Variants in HNF4G observed in about 807,000 individuals in gnomAD.
HNF4G encodes hepatocyte nuclear factor 4-gamma.
HNF4G carries 21 observed loss-of-function variants against 50.9 expected under a neutral mutation model. The ratio of observed to expected loss-of-function variants is 0.41; its 90% CI spans 0.29 to 0.59. HNF4G has a LOEUF of 0.59. Among genes scored for constraint, HNF4G ranks in the 20% least tolerant of loss-of-function variants. The pLI, the probability that HNF4G is intolerant of heterozygous loss-of-function variation, is 0.26. For synonymous variants in HNF4G, 198 were observed against 185.6 expected, an observed-to-expected ratio of 1.07 and a Z score of -0.54; for missense variants, 527 against 559.4, an observed-to-expected ratio of 0.94 and a Z score of 0.58.
chr8:75,440,287 T>C (rs1209142815), intron 1 of HNF4G, among the ~76,000 whole-genome samples: 1 of 152,204 alleles, frequency 6.6e-6, no homozygotes, highest in African/African-American at 2.4e-5. Context: ...TTTTTCTTCA[T>C]TTTCTGTAGT....
intron 2 of HNF4G, among the ~76,000 whole-genome samples, chr8:75,525,466 C>A (rs1005505395): frequency 3.9e-5 from 6 of 152,192 alleles, no homozygotes; most frequent in African/African-American, 1.4e-4. Context: ...CCGCAACCGG[C>A]CTCCATTGGT....
intron 2 of HNF4G, among the ~76,000 whole-genome samples, chr8:75,497,762 GA>G (rs1812814610): frequency 1.3e-5 from 2 of 151,720 alleles, no homozygotes; most frequent in South Asian, 2.1e-4. Context: ...AAGATTCCTA[GA>G]ATTTTTTTTA....
chr8:75,461,923 TA>T (rs879822998), intron 1 of HNF4G, among the ~76,000 whole-genome samples: 9,520 of 146,492 alleles, frequency 0.065, 319 homozygotes, highest in African/African-American at 0.079. Flanking sequence ...TATATATATA[TA>T]TATATTTTTT....
chr8:75,525,447 C>A (rs1049230537), intron 2 of HNF4G, among the ~76,000 whole-genome samples: 1 of 152,140 alleles, frequency 6.6e-6, no homozygotes, highest in African/African-American at 2.4e-5. Flanking sequence ...GAATTACAGG[C>A]GTGAGCCACC....
chr8:75,435,404 TTACTA>T (rs2130531087), intron 1 of HNF4G, among the ~76,000 whole-genome samples: 1 of 152,322 alleles, frequency 6.6e-6, no homozygotes, highest in African/African-American at 2.4e-5. Context: ...GAGACTATCT[TTACTA>T]TAATAAAGTG....
chr8:75,543,324 A>G (rs1012329306), intron 1 of HNF4G, among the ~76,000 whole-genome samples: 2 of 152,200 alleles, frequency 1.3e-5, no homozygotes, highest in African/African-American at 4.8e-5. Context: ...GCCCTGGGAA[A>G]CTGGATGGAT....
At chr8:75,514,224 TG>T (rs1005911949) in intron 2 of HNF4G, among the ~76,000 whole-genome samples, 14 of 152,112 alleles carry the variant, frequency 9.2e-5, no homozygotes, top group African/African-American at 3.1e-4. Context: ...TGATTTTTTT[TG>T]GTCTTCAAAT....
chr8:75,566,631 T>C lies in HNF4G; in HGVS notation c.*2535T>C, dbSNP rs949255671. The C allele has an allele frequency of 2.0e-5, 3 of 152,452 alleles. No individual in the cohort carries two copies. The highest frequency in any genetic ancestry group is 6.5e-5 in the Admixed American group (1 of 15,268). The allele number at this position is 152,452 out of a possible 1,614,324, so 9.4% of individuals were successfully genotyped here. A position where few individuals can be genotyped will look rare whatever the true frequency, so the allele number is the denominator to read the frequency against. On this transcript the variant is annotated 3_prime_UTR_variant, in exon 10 of 10. Coordinates refer to ENST00000396423, the MANE Select transcript of HNF4G (RefSeq NM_004133.5). ...TATTACTTTTATATAGTATTCAACT[T>C]TTTTCAGGTAATAGAAGTGAATAAT...
chr8:75,503,170 A>G (rs1465170235), intron 2 of HNF4G, among the ~76,000 whole-genome samples: 1 of 152,206 alleles, frequency 6.6e-6, no homozygotes, highest in Non-Finnish European at 1.5e-5. Flanking sequence ...AAAGGAAAGC[A>G]CTAGTTGAGA....
intron 2 of HNF4G, among the ~76,000 whole-genome samples, chr8:75,514,296 T>C (rs2130732162): frequency 6.6e-6 from 1 of 151,812 alleles, no homozygotes. Flanking sequence ...GTTTATTTTT[T>C]CCATCTTTTT....
chr8:75,535,099 C>T (rs1806425499), upstream of HNF4G, among the ~76,000 whole-genome samples: 1 of 151,648 alleles, frequency 6.6e-6, no homozygotes, highest in Non-Finnish European at 1.5e-5. Context: ...AAAAATTACA[C>T]ATAATCTGGG....
chr8:75,455,187 G>T (rs1470362452), intron 1 of HNF4G, among the ~76,000 whole-genome samples: 1 of 151,958 alleles, frequency 6.6e-6, no homozygotes, highest in Non-Finnish European at 1.5e-5. Flanking sequence ...TTTGGAGACC[G>T]ACTTCCTAAC....
chr8:75,436,110 GT>G (rs1278815823), intron 1 of HNF4G, among the ~76,000 whole-genome samples: 2 of 152,120 alleles, frequency 1.3e-5, no homozygotes, highest in African/African-American at 4.8e-5. Flanking sequence ...AGAAACACAA[GT>G]TTTTTACAAG....
chr8:75,489,229 G>T (rs1326396799), intron 1 of HNF4G, among the ~76,000 whole-genome samples: 1 of 152,150 alleles, frequency 6.6e-6, no homozygotes, highest in Non-Finnish European at 1.5e-5. Context: ...GTGCTGTGAA[G>T]GAAACTTATT....
chr8:75,519,484 CG>C (rs1345549743), intron 2 of HNF4G, among the ~76,000 whole-genome samples: 1 of 152,104 alleles, frequency 6.6e-6, no homozygotes, highest in African/African-American at 2.4e-5. Flanking sequence ...AAGACATACC[CG>C]AGACTGGGTA....
At chr8:75,537,228 G>C (rs1052488708), upstream of HNF4G, among the ~76,000 whole-genome samples, 6 of 95,006 alleles carry the variant, frequency 6.3e-5, no homozygotes, top group Non-Finnish European at 9.9e-5. Context: ...GCATTAAAAG[G>C]CTTTTATTTT....
At chr8:75,442,529 G>T (rs770459971) in intron 1 of HNF4G, among the ~76,000 whole-genome samples, 92 of 152,008 alleles carry the variant, frequency 6.1e-4, no homozygotes, top group Non-Finnish European at 1.1e-3. Context: ...AGTCATGATT[G>T]TGTCACTGTC....
intron 2 of HNF4G, among the ~76,000 whole-genome samples, chr8:75,497,488 A>G (rs529141440): frequency 6.6e-6 from 1 of 152,280 alleles, no homozygotes; most frequent in Non-Finnish European, 1.5e-5. Flanking sequence ...GTTCGAGGTC[A>G]GTGTGGCCAA....
chr8:75,519,727 C>T (rs779004537), intron 2 of HNF4G, among the ~76,000 whole-genome samples: 2 of 152,136 alleles, frequency 1.3e-5, no homozygotes, highest in Non-Finnish European at 2.9e-5. Flanking sequence ...GGTAGGGACA[C>T]AGCCAAACCA....
Sources: gnomAD v4.1 joint callset for allele counts (sites outside exome capture counted in the v4.1 genomes callset) on GRCh38, gnomAD v4.1.1 for gene constraint, MANE v1.5 for transcripts, NCBI Gene and HGNC (gene_info 2026-07-23, HGNC 2026-07-21) for gene names.